The following CCT5 variants were observed in gnomAD, a reference collection of about 807,000 sequenced individuals.
The protein encoded by CCT5 is T-complex protein 1 subunit epsilon.
CCT5 carries 6 observed loss-of-function variants against 55.0 expected under a neutral mutation model. The observed-to-expected ratio is 0.11, with a 90% CI of 0.06 to 0.22. The LOEUF is 0.22. Among genes scored for constraint, CCT5 ranks in the 10% least tolerant of loss-of-function variants. The pLI, the probability that CCT5 is intolerant of heterozygous loss-of-function variation, is 1.00. For synonymous variants in CCT5, 231 were observed against 243.7 expected (o/e 0.95, Z 0.49); for missense variants, 560 against 694.6 (o/e 0.81, Z 2.18).
chr5:10,251,637 G>A (rs1179290299), intron 1 of CCT5, among the ~76,000 whole-genome samples: 7 of 152,048 alleles, frequency 4.6e-5, no homozygotes, highest in Admixed American at 4.6e-4. Flanking sequence ...CCTTTTCCAG[G>A]GGGAGGTGAT....
At chr5:10,250,645 T>C in intron 1 of CCT5, 200 bp downstream of exon 1, 1 of 1,421,742 alleles carries the variant, frequency 7.0e-7, no homozygotes, top group Non-Finnish European at 9.2e-7. Context: ...GCTCGGAATG[T>C]GGGGGCCAGC....
At chr5:10,256,924 G>C (rs1745712722) in intron 4 of CCT5, among the ~76,000 whole-genome samples, 1 of 152,114 alleles carries the variant, frequency 6.6e-6, no homozygotes, top group Non-Finnish European at 1.5e-5. Flanking sequence ...AGGTCTTATG[G>C]GCACTAAGAC....
At chr5:10,250,190 G>A, upstream of CCT5, 1 of 1,545,614 alleles carries the variant, frequency 6.5e-7, no homozygotes, top group African/African-American at 1.4e-5. Flanking sequence ...GATACTGTCT[G>A]GCGTGAAATT....
intron 1 of CCT5, among the ~76,000 whole-genome samples, chr5:10,251,978 G>C (rs1219656643): frequency 1.3e-5 from 2 of 152,238 alleles, no homozygotes; most frequent in African/African-American, 4.8e-5. Flanking sequence ...CTTGGGCCCA[G>C]AGCAGTTGAG....
At chr5:10,261,123 C>A (rs1745938300) in intron 7 of CCT5, 3 of 633,090 alleles carry the variant, frequency 4.7e-6, no homozygotes, top group Non-Finnish European at 8.5e-6. Context: ...TTTTGAAATT[C>A]TCTCCCTGTG....
At chr5:10,262,734 G>A in intron 9 of CCT5, 116 bp downstream of exon 9, 1 of 1,101,024 alleles carries the variant, frequency 9.1e-7, no homozygotes, top group Non-Finnish European at 1.4e-6. Flanking sequence ...CTGTGTGTAG[G>A]TGACAGGTGT....
At chr5:10,263,381 C>A in intron 10 of CCT5, 67 bp downstream of exon 10, 2 of 1,397,406 alleles carry the variant, frequency 1.4e-6, no homozygotes, top group African/African-American at 1.4e-5. Context: ...TAATCATCCA[C>A]TGTATGTGCT....
chr5:10,261,964 T>C, intron 8 of CCT5: 1 of 556,700 alleles, frequency 1.8e-6, no homozygotes, highest in Non-Finnish European at 3.2e-6. Flanking sequence ...GTATACAATA[T>C]ACACTATGAG....
At chr5:10,259,305 C>T (rs993943589) in intron 6 of CCT5, among the ~76,000 whole-genome samples, 3 of 152,180 alleles carry the variant, frequency 2.0e-5, no homozygotes, top group Non-Finnish European at 2.9e-5. Flanking sequence ...GAGTTGAAAA[C>T]ACCAGTACTC....
In CCT5 at chr5:10,250,358, C is replaced by G. The variant is rs901543272; in HGVS notation, c.18C>G (p.Thr6=). 1 of 1,614,116 alleles carries G rather than the reference C, an allele frequency of 6.2e-7. No homozygotes were observed. Among genetic ancestry groups the G allele is most frequent in the South Asian group, 1.1e-5 (1 of 91,074 alleles). Reference sequence around the variant, plus strand: ...GTTGCACCATGGCGTCCATGGGGACCCTCGCCTTCGATGAATATGGGCGCC... The same window carrying G: ...GTTGCACCATGGCGTCCATGGGGACGCTCGCCTTCGATGAATATGGGCGCC... MASMG[T]LAFDEYGRPF... The change falls in exon 1 of 11, where the codon ACC becomes ACG. Residue 6 remains threonine, a synonymous_variant. Coordinates refer to ENST00000280326, the MANE Select transcript of CCT5 (RefSeq NM_012073.5).
chr5:10,263,692 C>T (rs1051775931), intron 10 of CCT5, among the ~76,000 whole-genome samples: 5 of 152,174 alleles, frequency 3.3e-5, no homozygotes, highest in African/African-American at 4.8e-5. Flanking sequence ...GTTAATCCTG[C>T]ACACTGTGGA....
At chr5:10,261,800 C>T in intron 8 of CCT5, 55 bp downstream of exon 8, 1 of 1,434,508 alleles carries the variant, frequency 7.0e-7, no homozygotes, top group East Asian at 2.3e-5. Context: ...CATGGTCTGG[C>T]TTTTTTGCCT....
At chr5:10,250,134 C>T (rs982597435), upstream of CCT5, 2 of 1,535,088 alleles carry the variant, frequency 1.3e-6, no homozygotes, top group Non-Finnish European at 1.7e-6. Flanking sequence ...TCCCCCTCCC[C>T]GGCTTCCTGG....
At chr5:10,252,216 A>G (rs533156225) in intron 1 of CCT5, among the ~76,000 whole-genome samples, 1 of 152,316 alleles carries the variant, frequency 6.6e-6, no homozygotes, top group East Asian at 1.9e-4. Context: ...GTTGAGGCTC[A>G]GCAGTTTAGG....
rs1332914103 is a variant in CCT5, at chr5:10,264,830, A to G, written c.*47A>G. The G allele has an allele frequency of 6.2e-7, 1 of 1,609,082 alleles. No homozygotes were observed. Among genetic ancestry groups the G allele is most frequent in the Non-Finnish European group, 8.5e-7 (1 of 1,175,724 alleles). On this transcript the variant is annotated 3_prime_UTR_variant, in exon 11 of 11. Transcript: ENST00000280326. ...GCAAGATCCACTTCTGTGATTAAGT[A>G]AATGGATGTCTCGTGATGCATCTAC... is the stretch of plus-strand genomic sequence containing the variant.
intron 4 of CCT5, among the ~76,000 whole-genome samples, chr5:10,256,939 C>T (rs1209721529): frequency 1.3e-5 from 2 of 152,206 alleles, no homozygotes; most frequent in African/African-American, 4.8e-5. Context: ...TAAGACACAG[C>T]TCTTCTCCCA....
In CCT5 at chr5:10,261,680, C is replaced by T. The variant is rs1162812930; in HGVS notation, c.1114C>T (p.Leu372=). The T allele has an allele frequency of 5.0e-6, 8 of 1,613,994 alleles. No individual in the cohort carries two copies. The highest frequency in any genetic ancestry group is 6.8e-6 in the Non-Finnish European group (8 of 1,179,882). ...ISFGTTKDKM[L]VIEQCKNSRA... is the part of the protein sequence containing the mutation. The stretch of plus-strand genomic sequence containing the variant: ...ATTTGGGACAACTAAGGATAAAATG[C>T]TGGTCATCGAGCAGTGTAAGAACTC... The change falls in exon 8 of 11, where the codon CTG becomes TTG. Residue 372 remains leucine, a synonymous_variant. Coordinates refer to ENST00000280326, the MANE Select transcript of CCT5 (RefSeq NM_012073.5).
At chr5:10,254,270 C>G (rs1745566792) in intron 2 of CCT5, 65 bp downstream of exon 2, 1 of 1,152,422 alleles carries the variant, frequency 8.7e-7, no homozygotes, top group African/African-American at 1.5e-5. Flanking sequence ...CAATATAAAC[C>G]TCTCTACAGA....
At chr5:10,254,058 TA>T in intron 1 of CCT5, 86 bp from the exon 2 acceptor site, 2 of 869,972 alleles carry the variant, frequency 2.3e-6, no homozygotes, top group Non-Finnish European at 2.0e-6. Flanking sequence ...AACTAAGTCA[TA>T]AGTGATTTTT....
Sources: gnomAD v4.1 joint callset for allele counts (sites outside exome capture counted in the v4.1 genomes callset) on GRCh38, gnomAD v4.1.1 for gene constraint, MANE v1.5 for transcripts, NCBI Gene and HGNC (gene_info 2026-07-23, HGNC 2026-07-21) for gene names.